Variants in BNC2 observed in about 807,000 individuals in gnomAD.
BNC2 encodes basonuclin zinc finger protein 2, also known as zinc finger protein basonuclin-2.
BNC2 carries 20 observed loss-of-function variants against 76.3 expected under a neutral mutation model. The observed-to-expected ratio is 0.26, with a 90% confidence interval of 0.18 to 0.38. The LOEUF is 0.38. Among genes scored for constraint, BNC2 ranks in the 10% least tolerant of loss-of-function variants. The probability of loss-of-function intolerance (pLI) is 1.00; values close to 1 mark genes in which losing one functional copy is unlikely to be tolerated. For synonymous variants in BNC2, 582 were observed against 514.8 expected, an observed-to-expected ratio of 1.13 and a Z score of -1.77; for missense variants, 1,382 against 1,399.8, an observed-to-expected ratio of 0.99 and a Z score of 0.20.
chr9:16,632,181 T>G (rs1350122817), intron 3 of BNC2, among the ~76,000 whole-genome samples: 1 of 152,026 alleles, frequency 6.6e-6, no homozygotes, highest in Non-Finnish European at 1.5e-5. Flanking sequence ...CATATGATGG[T>G]AGGAACTATT....
intron 3 of BNC2, among the ~76,000 whole-genome samples, chr9:16,638,573 C>T (rs963929138): frequency 1.3e-5 from 2 of 152,136 alleles, no homozygotes; most frequent in Non-Finnish European, 2.9e-5. Flanking sequence ...CTGTACCCCT[C>T]AAATGGCCTG....
At chr9:16,806,538 TAAGTA>T (rs746077356) in intron 1 of BNC2, among the ~76,000 whole-genome samples, 1 of 152,206 alleles carries the variant, frequency 6.6e-6, no homozygotes, top group African/African-American at 2.4e-5. Context: ...AATTACGCCA[TAAGTA>T]AAGTGTTGCT....
At chr9:16,571,340 A>G (rs1173993917) in intron 4 of BNC2, among the ~76,000 whole-genome samples, 5 of 152,204 alleles carry the variant, frequency 3.3e-5, no homozygotes, top group Non-Finnish European at 7.3e-5. Context: ...ATTTTGTAAG[A>G]GAGAAAAGGT....
chr9:16,466,004 A>G (rs56148125), intron 5 of BNC2, among the ~76,000 whole-genome samples: 14 of 127,060 alleles, frequency 1.1e-4, no homozygotes, highest in African/African-American at 3.7e-4. Flanking sequence ...AAATCAATGT[A>G]CAAAAATCAC....
At chr9:16,562,869 A>G (rs1819055938) in intron 4 of BNC2, among the ~76,000 whole-genome samples, 1 of 152,216 alleles carries the variant, frequency 6.6e-6, no homozygotes, top group Non-Finnish European at 1.5e-5. Flanking sequence ...ATTATAGTAC[A>G]TAATTACTAA....
chr9:16,448,624 G>A (rs1317448803), intron 5 of BNC2, among the ~76,000 whole-genome samples: 1 of 152,178 alleles, frequency 6.6e-6, no homozygotes, highest in Non-Finnish European at 1.5e-5. Flanking sequence ...TACTTAGTAA[G>A]CAGTATTCCA....
intron 5 of BNC2, among the ~76,000 whole-genome samples, chr9:16,530,403 C>T (rs1200868531): frequency 6.6e-6 from 1 of 152,060 alleles, no homozygotes; most frequent in African/African-American, 2.4e-5. Context: ...TTCTCTACTC[C>T]ACATTTCACC....
At chr9:16,662,735 AAAAAT>A (rs142418197) in intron 3 of BNC2, among the ~76,000 whole-genome samples, 6,487 of 152,244 alleles carry the variant, frequency 0.043, 182 homozygotes, top group Middle Eastern at 0.085. Flanking sequence ...GACTGTCTCA[AAAAAT>A]AAAATAAAAC....
chr9:16,706,666 T>C (rs1411655936), intron 3 of BNC2, among the ~76,000 whole-genome samples: 1 of 152,202 alleles, frequency 6.6e-6, no homozygotes, highest in African/African-American at 2.4e-5. Flanking sequence ...ACTTTTTTCT[T>C]TTTCTTTCCT....
At chr9:16,695,535 C>CTTTTTTTT (rs35589107) in intron 3 of BNC2, among the ~76,000 whole-genome samples, 2 of 127,040 alleles carry the variant, frequency 1.6e-5, no homozygotes, top group African/African-American at 2.8e-5. Flanking sequence ...CTTTTTCTTT[C>CTTTTTTTT]TTTTTTTTTT....
chr9:16,717,342 T>C (rs1045202305), intron 3 of BNC2, among the ~76,000 whole-genome samples: 3 of 151,940 alleles, frequency 2.0e-5, no homozygotes, highest in Admixed American at 6.6e-5. Context: ...TATATAGCTT[T>C]AGGGAAAAAA....
intron 3 of BNC2, among the ~76,000 whole-genome samples, chr9:16,607,591 T>A (rs999331082): frequency 6.6e-6 from 1 of 152,222 alleles, no homozygotes; most frequent in Admixed American, 6.5e-5. Flanking sequence ...ACTTTACCAA[T>A]CTTGTTTAAA....
At chr9:16,833,049 G>T (rs1360953006) in intron 1 of BNC2, among the ~76,000 whole-genome samples, 6 of 151,766 alleles carry the variant, frequency 4.0e-5, no homozygotes, top group Admixed American at 3.9e-4. Context: ...TACAGTCCAG[G>T]AATCAGTCTT....
chr9:16,843,591 C>A (rs1818887886), intron 1 of BNC2, among the ~76,000 whole-genome samples: 2 of 152,242 alleles, frequency 1.3e-5, no homozygotes, highest in South Asian at 4.1e-4. Flanking sequence ...GCCTTGGCCT[C>A]CTGAAGTACT....
chr9:16,675,254 ATT>A lies in BNC2; in HGVS notation c.330+52541_330+52542del, dbSNP rs112364703. Reference sequence around the variant, plus strand: ...ACAAAACAAGGACTAAATTGAGTTAATTTTTTTTTTTTTAAGTCTCACTGTGT... The same window carrying A: ...ACAAAACAAGGACTAAATTGAGTTAATTTTTTTTTTTAAGTCTCACTGTGT... On this transcript the variant is annotated intron_variant, in intron 3 of 6. Transcript: ENST00000380672. Among the ~76,000 whole-genome samples, 46 of 147,412 alleles carry A rather than the reference ATT, an allele frequency of 3.1e-4. No homozygotes were observed. In the South Asian group the frequency reaches 8.8e-3, roughly 28 times the overall value.
intron 3 of BNC2, among the ~76,000 whole-genome samples, chr9:16,666,374 T>C (rs1822291876): frequency 6.6e-6 from 1 of 152,332 alleles, no homozygotes; most frequent in Middle Eastern, 3.4e-3. Context: ...TATATAGAAA[T>C]TTTATTTGGT....
chr9:16,707,109 G>A (rs879589779), intron 3 of BNC2, among the ~76,000 whole-genome samples: 2 of 152,120 alleles, frequency 1.3e-5, no homozygotes, highest in Non-Finnish European at 2.9e-5. Context: ...GGCTGAGGCA[G>A]GAGAATGGTG....
At chr9:16,661,598 T>C (rs1317916879) in intron 3 of BNC2, among the ~76,000 whole-genome samples, 1 of 152,166 alleles carries the variant, frequency 6.6e-6, no homozygotes, top group African/African-American at 2.4e-5. Flanking sequence ...AGTTCCAATA[T>C]ATTAATATTT....
chr9:16,782,079 T>G (rs1223328468), intron 1 of BNC2, among the ~76,000 whole-genome samples: 1 of 151,906 alleles, frequency 6.6e-6, no homozygotes, highest in Non-Finnish European at 1.5e-5. Flanking sequence ...GAGCTCAGGA[T>G]ATCGAGACCA....
Sources: gnomAD v4.1 joint callset for allele counts (sites outside exome capture counted in the v4.1 genomes callset) on GRCh38, gnomAD v4.1.1 for gene constraint, MANE v1.5 for transcripts, NCBI Gene and HGNC (gene_info 2026-07-23, HGNC 2026-07-21) for gene names.